The following TRPM3 variants were observed in gnomAD, a reference collection of about 807,000 sequenced individuals.
The protein encoded by TRPM3 is transient receptor potential cation channel subfamily M member 3, also known as long transient receptor potential channel 3.
Under a neutral mutation model 181.2 loss-of-function variants are expected in TRPM3, and 77 were observed. The observed-to-expected ratio is 0.42, with a 90% CI of 0.35 to 0.51. The LOEUF (loss-of-function observed/expected upper bound fraction) is 0.51. TRPM3 is among the 20% of genes least tolerant of loss of function. The pLI is 0.01. For missense variants in TRPM3, 1,759 were observed against 2,196.7 expected (o/e 0.80, Z 3.98); for synonymous variants, 745 against 796.4 (o/e 0.94, Z 1.09).
chr9:70,867,710 C>T (rs1317163389), intron 1 of TRPM3, among the ~76,000 whole-genome samples: 4 of 152,018 alleles, frequency 2.6e-5, no homozygotes, highest in Non-Finnish European at 5.9e-5. Flanking sequence ...AGGTATAACA[C>T]ATGAATTAGG....
rs61027874 is a variant in TRPM3 at position 71,422,033 on chromosome 9, C to T, written c.183+24620G>A. ...CATAAGTCAGAGTTCTAAGCCAGCT[C>T]TTTGAGATTTCCTCTTTCCCTGTGT... is the stretch of plus-strand genomic sequence containing the variant. On this transcript the variant is annotated intron_variant, in intron 1 of 24. Transcript: ENST00000357533. Among the ~76,000 whole-genome samples the T allele has an allele frequency of 5.3e-3, 808 of 152,030 alleles. 6 individuals are homozygous for T. Among genetic ancestry groups the T allele is most frequent in the African/African-American group, 0.018 (759 of 41,484 alleles).
intron 1 of TRPM3, among the ~76,000 whole-genome samples, chr9:70,913,441 A>C (rs1044878156): frequency 6.0e-5 from 9 of 149,942 alleles, no homozygotes; most frequent in African/African-American, 1.9e-4. Context: ...CCACAATTGA[A>C]AGAAGTTTAG....
At chr9:71,444,975 A>C (rs936907003) in intron 1 of TRPM3, among the ~76,000 whole-genome samples, 1 of 152,250 alleles carries the variant, frequency 6.6e-6, no homozygotes, top group African/African-American at 2.4e-5. Context: ...CTAATGTTTC[A>C]ATTAACAAGT....
intron 1 of TRPM3, among the ~76,000 whole-genome samples, chr9:70,902,635 C>CA (rs1195476993): frequency 3.3e-5 from 5 of 151,482 alleles, no homozygotes; most frequent in Admixed American, 2.0e-4. Flanking sequence ...CTACAATGAG[C>CA]AAAAAAAACA....
At chr9:70,757,512 C>T (rs537553726) in intron 8 of TRPM3, among the ~76,000 whole-genome samples, 1 of 152,150 alleles carries the variant, frequency 6.6e-6, no homozygotes, top group Non-Finnish European at 1.5e-5. Flanking sequence ...GATACCAAAA[C>T]CTGGCAGAGA....
chr9:70,813,988 C>T (rs2092428602), intron 6 of TRPM3, among the ~76,000 whole-genome samples: 1 of 152,130 alleles, frequency 6.6e-6, no homozygotes, highest in South Asian at 2.1e-4. Flanking sequence ...ATCTTGCTAC[C>T]CCTACAGTGC....
chr9:71,304,311 A>C (rs2132349141), intron 1 of TRPM3, among the ~76,000 whole-genome samples: 1 of 152,278 alleles, frequency 6.6e-6, no homozygotes, highest in Admixed American at 6.5e-5. Context: ...TTTTTTCCAA[A>C]CTAGTGTCAG....
At chr9:70,743,719 A>G (rs1466895716) in intron 8 of TRPM3, among the ~76,000 whole-genome samples, 2 of 152,120 alleles carry the variant, frequency 1.3e-5, no homozygotes, top group Non-Finnish European at 2.9e-5. Flanking sequence ...GGAAATGCAG[A>G]GTAGGTGTGA....
At chr9:71,391,679 G>T (rs868025100) in intron 1 of TRPM3, among the ~76,000 whole-genome samples, 3 of 152,064 alleles carry the variant, frequency 2.0e-5, no homozygotes, top group Middle Eastern at 6.8e-3. Context: ...AATCGAATTT[G>T]ACTATTACAT....
intron 1 of TRPM3, among the ~76,000 whole-genome samples, chr9:70,922,572 C>G (rs1020020528): frequency 6.6e-6 from 1 of 152,174 alleles, no homozygotes; most frequent in African/African-American, 2.4e-5. Flanking sequence ...GATATCCTTT[C>G]TGCCACTATT....
intron 1 of TRPM3, among the ~76,000 whole-genome samples, chr9:71,303,353 A>G (rs1297742131): frequency 6.6e-6 from 1 of 152,244 alleles, no homozygotes; most frequent in Non-Finnish European, 1.5e-5. Context: ...AAAGTTAAAT[A>G]TCTCTTTATC....
At chr9:71,429,317 A>G (rs2093922116) in intron 1 of TRPM3, among the ~76,000 whole-genome samples, 1 of 152,250 alleles carries the variant, frequency 6.6e-6, no homozygotes, top group African/African-American at 2.4e-5. Flanking sequence ...TTTCAAGACT[A>G]TAGAATGTAG....
At chr9:70,931,039 T>G (rs1286214173) in intron 1 of TRPM3, among the ~76,000 whole-genome samples, 1 of 152,064 alleles carries the variant, frequency 6.6e-6, no homozygotes, top group African/African-American at 2.4e-5. Context: ...AAAGAGTGGC[T>G]TTTTTTGTTT....
chr9:71,092,833 C>T (rs1261689536), intron 1 of TRPM3, among the ~76,000 whole-genome samples: 1 of 152,070 alleles, frequency 6.6e-6, no homozygotes, highest in Non-Finnish European at 1.5e-5. Context: ...ATCATGCTAC[C>T]TAACTTCAAA....
chr9:70,874,860 A>T (rs1445242234), intron 1 of TRPM3, among the ~76,000 whole-genome samples: 5 of 151,880 alleles, frequency 3.3e-5, no homozygotes, highest in African/African-American at 1.2e-4. Flanking sequence ...CTAAAAAAAA[A>T]TCAATCTCTT....
chr9:70,764,102 G>T (rs115165566), intron 7 of TRPM3, among the ~76,000 whole-genome samples: 5 of 152,146 alleles, frequency 3.3e-5, no homozygotes, highest in African/African-American at 9.7e-5. Context: ...CGAAGGTGAC[G>T]TTATAGAGAT....
chr9:71,316,563 GA>G (rs1239283755), intron 1 of TRPM3, among the ~76,000 whole-genome samples: 1 of 152,108 alleles, frequency 6.6e-6, no homozygotes, highest in Non-Finnish European at 1.5e-5. Context: ...AAAAGTGAGA[GA>G]GGTCACCAAG....
At chr9:70,593,935 T>G (rs1481857877) in intron 21 of TRPM3, among the ~76,000 whole-genome samples, 1 of 147,342 alleles carries the variant, frequency 6.8e-6, no homozygotes, top group Non-Finnish European at 1.5e-5. Flanking sequence ...GTATAATGTA[T>G]ATATAATATA....
At chr9:70,914,617 G>A (rs1327865228) in intron 1 of TRPM3, among the ~76,000 whole-genome samples, 1 of 152,212 alleles carries the variant, frequency 6.6e-6, no homozygotes, top group Non-Finnish European at 1.5e-5. Context: ...GAGACAGCTA[G>A]GGAGTGGTTA....
Sources: allele counts gnomAD v4.1 joint callset (sites outside exome capture counted in the v4.1 genomes callset), GRCh38; gene constraint gnomAD v4.1.1; transcripts MANE v1.5; gene names NCBI Gene and HGNC (gene_info 2026-07-23, HGNC 2026-07-21).